The following USP6NL variants were observed in gnomAD, a reference collection of about 807,000 sequenced individuals.
The protein encoded by USP6NL is USP6 N-terminal like.
In USP6NL, 26 loss-of-function variants were observed where a neutral mutation model predicts 61.9. The ratio of observed to expected loss-of-function variants is 0.42; its 90% CI spans 0.31 to 0.58. The LOEUF (loss-of-function observed/expected upper bound fraction) is 0.58, where lower values mean the gene tolerates loss of function less well. Among genes scored for constraint, USP6NL ranks in the 20% least tolerant of loss-of-function variants. USP6NL has a pLI of 0.16. For synonymous variants in USP6NL, 432 were observed against 390.1 expected, an observed-to-expected ratio of 1.11 and a Z score of -1.27; for missense variants, 1,114 against 1,034.3, an observed-to-expected ratio of 1.08 and a Z score of -1.06.
Position 11,532,453 on chromosome 10 carries a change from C to T in USP6NL, c.5-4886G>A, listed in dbSNP as rs1320754125. Among the ~76,000 whole-genome samples the T allele has an allele frequency of 2.6e-5, 4 of 152,188 alleles. No homozygotes were observed. The highest frequency in any genetic ancestry group is 4.4e-5 in the Non-Finnish European group (3 of 68,040). On this transcript the variant is annotated intron_variant, in intron 2 of 14. Transcript: ENST00000609104. This position sits in a 1 kb window ranked among gnomAD's most constrained non-coding sequence, Gnocchi z 4.1. ...AGAAAAAAACCTTGCTGTGGTTACA[C>T]AGACTATATATTTTCAAACAAAGCT...
intron 14 of USP6NL, among the ~76,000 whole-genome samples, chr10:11,469,406 C>T (rs1290017283): frequency 6.6e-6 from 1 of 152,166 alleles, no homozygotes; most frequent in Non-Finnish European, 1.5e-5. Context: ...TATAAATATC[C>T]AAGATCCATA....
At position 11,463,951 on chromosome 10, in the gene USP6NL, G is replaced by A; in HGVS notation, c.1079-102C>T. On this transcript the variant is annotated intron_variant, in intron 14 of 14. Transcript: ENST00000609104. This position sits in a 1 kb window ranked among gnomAD's most constrained non-coding sequence, Gnocchi z 6.3. ...ATGGCATGCTTTTCATCTGTGCACAGATACACGCTGACATACAACACACTG... is the reference window on the plus strand; with the variant it reads ...ATGGCATGCTTTTCATCTGTGCACAAATACACGCTGACATACAACACACTG... 2 of 1,081,176 alleles carry A rather than the reference G, an allele frequency of 1.8e-6. No homozygotes were observed. Among genetic ancestry groups the A allele is most frequent in the Admixed American group, 3.0e-5 (1 of 33,816 alleles). 67.0% of individuals were successfully genotyped at this position (1,081,176 alleles called of 1,614,324 possible). A position where few individuals can be genotyped will look rare whatever the true frequency, so the allele number is the denominator to read the frequency against.
intron 1 of USP6NL, among the ~76,000 whole-genome samples, chr10:11,601,516 T>C (rs1017952529): frequency 6.6e-6 from 1 of 152,202 alleles, no homozygotes; most frequent in Admixed American, 6.5e-5. Context: ...TTATGTAACA[T>C]ATTACACATA....
At chr10:11,557,144 G>A (rs998131549) in intron 2 of USP6NL, among the ~76,000 whole-genome samples, 4 of 152,140 alleles carry the variant, frequency 2.6e-5, no homozygotes, top group Non-Finnish European at 4.4e-5. Flanking sequence ...TGGATATTCT[G>A]TTTTCTAAAC....
chr10:11,509,795 T>C, intron 5 of USP6NL, 120 bp from the exon 6 acceptor site: 1 of 759,786 alleles, frequency 1.3e-6, no homozygotes, highest in Non-Finnish European at 2.1e-6. Flanking sequence ...TATTAGCAGA[T>C]ATCCTAACTT....
chr10:11,477,077 G>C (rs1833000710), intron 14 of USP6NL, among the ~76,000 whole-genome samples: 1 of 152,054 alleles, frequency 6.6e-6, no homozygotes, highest in South Asian at 2.1e-4. Context: ...TCATCACGTT[G>C]GCCAGCCTGG....
chr10:11,503,783 TTTAA>T (rs1385906115), intron 6 of USP6NL, among the ~76,000 whole-genome samples: 2 of 152,208 alleles, frequency 1.3e-5, no homozygotes, highest in African/African-American at 4.8e-5. Context: ...ATTCTATAAC[TTTAA>T]TTATACCAAC....
rs545558023 is a variant in USP6NL, at chr10:11,604,258, G to A, written c.-83-6541C>T. On this transcript the variant is annotated intron_variant, in intron 1 of 14. Coordinates refer to ENST00000609104, the MANE Select transcript of USP6NL (RefSeq NM_014688.5). ...ATTTTTAAGTTCTCTTTCTAGCACT[G>A]TATGATTTATTATCTTAAAACTAAT... Among the ~76,000 whole-genome samples the A allele has an allele frequency of 3.3e-3, 495 of 152,302 alleles. 2 individuals carry two copies. Among genetic ancestry groups the A allele is most frequent in the African/African-American group, 0.011 (447 of 41,578 alleles).
chr10:11,504,230 T>G (rs1834338401), intron 6 of USP6NL, among the ~76,000 whole-genome samples: 1 of 152,196 alleles, frequency 6.6e-6, no homozygotes, highest in Non-Finnish European at 1.5e-5. Flanking sequence ...TTACATATCT[T>G]TCTTCACAAA....
In USP6NL at chr10:11,491,451, C is replaced by T. The variant is rs141247419; in HGVS notation, c.495-571G>A. 4.0e-3 allele frequency among the ~76,000 whole-genome samples: 612 copies of T among 152,278 alleles called. 3 individuals are homozygous for T. Among genetic ancestry groups the T allele is most frequent in the Non-Finnish European group, 6.6e-3 (449 of 68,018 alleles). ...CCCTGCAAGCTTGGGTTCTGCTGGT[C>T]GAGAGATCTTAGTTCCAAAAGGAGG... On this transcript the variant is annotated intron_variant, in intron 8 of 14. Transcript: ENST00000609104. The surrounding 1 kb of genome is among the most constrained non-coding windows in gnomAD (Gnocchi z 4.7).
Position 11,481,923 on chromosome 10 carries a change from C to G in USP6NL, c.926-1G>C. ...TCCATGGACAATTTCATTAGATGTT[C>G]TAAGAAAGGATAAGAGAAATGAAAA... On this transcript the variant is annotated splice_acceptor_variant, in intron 13 of 14. Transcript: ENST00000609104. LOFTEE classifies it high-confidence loss of function. The surrounding 1 kb of genome is among the most constrained non-coding windows in gnomAD (Gnocchi z 4.4). 6.2e-7 allele frequency: 1 copy of G among 1,602,668 alleles called. No individual in the cohort carries two copies. Among genetic ancestry groups the G allele is most frequent in the Non-Finnish European group, 8.5e-7 (1 of 1,175,558 alleles).
rs891074227 is a variant in USP6NL, at chr10:11,510,736, C to T, written c.196-1061G>A. Among the ~76,000 whole-genome samples the T allele has an allele frequency of 4.6e-5, 7 of 152,254 alleles. No homozygotes were observed. The highest frequency in any genetic ancestry group is 1.7e-4 in the African/African-American group (7 of 41,462). Reference sequence around the variant, plus strand: ...TTTTATACTCAAGGATGCATGCTCACTGCAACCCCACGAGGTAGGTATGAT... The same window carrying T: ...TTTTATACTCAAGGATGCATGCTCATTGCAACCCCACGAGGTAGGTATGAT... On this transcript the variant is annotated intron_variant, in intron 5 of 14. Transcript: ENST00000609104. This position sits in a 1 kb window ranked among gnomAD's most constrained non-coding sequence, Gnocchi z 4.8.
chr10:11,482,063 A>G lies in USP6NL; in HGVS notation c.926-141T>C, dbSNP rs1833222007. The G allele has an allele frequency of 2.4e-6, 2 of 832,566 alleles. No individual in the cohort carries two copies. The highest frequency in any genetic ancestry group is 1.7e-5 in the African/African-American group (1 of 57,408). The allele number at this position is 832,566 out of a possible 1,614,324, so 51.6% of individuals were successfully genotyped here. On this transcript the variant is annotated intron_variant, in intron 13 of 14. Coordinates refer to ENST00000609104, the MANE Select transcript of USP6NL (RefSeq NM_014688.5). The surrounding 1 kb of genome is among the most constrained non-coding windows in gnomAD (Gnocchi z 4.0). ...ACAACTTACATATGGCATTGAGGAC[A>G]TCATTAAAACTCAGTAAGACAAAAA...
intron 2 of USP6NL, among the ~76,000 whole-genome samples, chr10:11,572,431 G>A (rs898456119): frequency 1.3e-5 from 2 of 151,810 alleles, no homozygotes; most frequent in Middle Eastern, 3.4e-3. Flanking sequence ...CAGTCTCTCT[G>A]CTTTTTGAGA....
chr10:11,547,226 G>C (rs1836301894), intron 2 of USP6NL, among the ~76,000 whole-genome samples: 1 of 152,228 alleles, frequency 6.6e-6, no homozygotes, highest in Non-Finnish European at 1.5e-5. Context: ...TGTCCACTAA[G>C]TCAGGCACTG....
At chr10:11,541,886 A>T (rs180744456) in intron 2 of USP6NL, among the ~76,000 whole-genome samples, 94 of 152,274 alleles carry the variant, frequency 6.2e-4, no homozygotes, top group South Asian at 1.9e-3. Flanking sequence ...TTAGAAAAAA[A>T]TTTTTTTTAA....
In USP6NL at chr10:11,587,300, T is replaced by C. The variant is rs776067963; in HGVS notation, c.4+10331A>G. ...AAACACCATGACCCCTAAAATATTT[T>C]AAGAAATTAATTTATAGTATCATGT... is the stretch of plus-strand genomic sequence containing the variant. On this transcript the variant is annotated intron_variant, in intron 2 of 14. Transcript: ENST00000609104. The surrounding 1 kb of genome is among the most constrained non-coding windows in gnomAD (Gnocchi z 4.5). 2.0e-5 allele frequency among the ~76,000 whole-genome samples: 3 copies of C among 152,208 alleles called. No homozygotes were observed. The highest frequency in any genetic ancestry group is 4.4e-5 in the Non-Finnish European group (3 of 68,030).
chr10:11,567,308 C>A (rs1837198336), intron 2 of USP6NL, among the ~76,000 whole-genome samples: 1 of 152,152 alleles, frequency 6.6e-6, no homozygotes, highest in African/African-American at 2.4e-5. Flanking sequence ...GCAAAATTTA[C>A]CAACTTACTT....
Position 11,491,430 on chromosome 10 carries a change from G to C in USP6NL, c.495-550C>G, listed in dbSNP as rs890874606. 6.6e-6 allele frequency among the ~76,000 whole-genome samples: 1 copy of C among 152,198 alleles called. No homozygotes were observed. Among genetic ancestry groups the C allele is most frequent in the Non-Finnish European group, 1.5e-5 (1 of 68,030 alleles). ...AGCAAAGCGTTTGCTTCTTGGCCCT[G>C]CAAGCTTGGGTTCTGCTGGTCGAGA... is the stretch of plus-strand genomic sequence containing the variant. On this transcript the variant is annotated intron_variant, in intron 8 of 14. Transcript: ENST00000609104. This position sits in a 1 kb window ranked among gnomAD's most constrained non-coding sequence, Gnocchi z 4.7.
Sources: allele counts gnomAD v4.1 joint callset (sites outside exome capture counted in the v4.1 genomes callset), GRCh38; gene constraint gnomAD v4.1.1; non-coding constraint Gnocchi (gnomAD v3.1); transcripts MANE v1.5; gene names NCBI Gene and HGNC (gene_info 2026-07-23, HGNC 2026-07-21).